The following VDAC1 variants were observed in gnomAD, a reference collection of about 807,000 sequenced individuals.
VDAC1 encodes non-selective voltage-gated ion channel VDAC1.
Under a neutral mutation model 34.7 loss-of-function variants are expected in VDAC1, and 10 were observed. The observed-to-expected ratio is 0.29, with a 90% CI of 0.18 to 0.49. The LOEUF (loss-of-function observed/expected upper bound fraction) is 0.49. Among genes scored for constraint, VDAC1 ranks in the 20% least tolerant of loss-of-function variants. The probability of loss-of-function intolerance (pLI) is 0.99; values close to 1 mark genes in which losing one functional copy is unlikely to be tolerated. For missense variants in VDAC1, 230 were observed against 347.9 expected (o/e 0.66, Z 2.69); for synonymous variants, 130 against 136.0 (o/e 0.96, Z 0.30).
chr5:133,974,557 T>C (rs10068191), intron 7 of VDAC1, among the ~76,000 whole-genome samples: 88,255 of 152,090 alleles, frequency 0.58, 25,783 homozygotes, highest in Admixed American at 0.62. Flanking sequence ...GGAAGAGGCT[T>C]AACAGTAAGC....
chr5:134,027,453 T>C, the VDAC1 span, among the ~76,000 whole-genome samples: 11 of 152,226 alleles, frequency 7.2e-5, no homozygotes, highest in African/African-American at 2.2e-4. Context: ...CTGCCTTCCT[T>C]CCAGCAGCTC....
the VDAC1 span, among the ~76,000 whole-genome samples, chr5:134,029,575 G>C: frequency 6.6e-6 from 1 of 152,308 alleles, no homozygotes; most frequent in African/African-American, 2.4e-5. Context: ...GGCAAACGTG[G>C]CTATTGAGCA....
At chr5:133,991,435 C>T (rs1296334460) in intron 3 of VDAC1, among the ~76,000 whole-genome samples, 2 of 152,220 alleles carry the variant, frequency 1.3e-5, no homozygotes, top group Non-Finnish European at 2.9e-5. Context: ...CATCCTGGCT[C>T]CAGGGCAGTA....
At chr5:134,091,350 G>A in the VDAC1 span, among the ~76,000 whole-genome samples, 1 of 152,122 alleles carries the variant, frequency 6.6e-6, no homozygotes, top group Non-Finnish European at 1.5e-5. Flanking sequence ...AACATTCCAG[G>A]TTTTCCCCCT....
At chr5:134,041,655 G>A in the VDAC1 span, among the ~76,000 whole-genome samples, 288 of 152,300 alleles carry the variant, frequency 1.9e-3, no homozygotes, top group African/African-American at 6.6e-3. Flanking sequence ...TCAGAGAAAC[G>A]CAGGCCTTGC....
At chr5:134,037,896 T>C in the VDAC1 span, among the ~76,000 whole-genome samples, 2 of 152,234 alleles carry the variant, frequency 1.3e-5, no homozygotes, top group Admixed American at 1.3e-4. Flanking sequence ...TAGATCATTG[T>C]ACTACAGTTA....
At chr5:134,107,068 C>G in the VDAC1 span, among the ~76,000 whole-genome samples, 4 of 152,342 alleles carry the variant, frequency 2.6e-5, no homozygotes, top group South Asian at 8.3e-4. Flanking sequence ...CTTACAGAGA[C>G]CACCCCTGCT....
At chr5:134,037,815 A>G in the VDAC1 span, among the ~76,000 whole-genome samples, 1 of 152,170 alleles carries the variant, frequency 6.6e-6, no homozygotes, top group South Asian at 2.1e-4. Context: ...CTCACTGCAA[A>G]AAAAGCCCCC....
the VDAC1 span, among the ~76,000 whole-genome samples, chr5:134,111,800 G>A: frequency 6.6e-6 from 1 of 152,214 alleles, no homozygotes; most frequent in East Asian, 1.9e-4. Context: ...GAGTGTGATA[G>A]TTAGGATGTG....
chr5:133,987,048 A>C (rs1379025151), intron 5 of VDAC1, among the ~76,000 whole-genome samples: 1 of 152,262 alleles, frequency 6.6e-6, no homozygotes, highest in Non-Finnish European at 1.5e-5. Context: ...CAAGTGAAGG[A>C]AGGATGGCAA....
the VDAC1 span, among the ~76,000 whole-genome samples, chr5:134,054,256 T>C: frequency 6.6e-6 from 1 of 152,136 alleles, no homozygotes; most frequent in Non-Finnish European, 1.5e-5. Flanking sequence ...GCATGGTGGC[T>C]AGGGCGGGGC....
At chr5:134,052,281 G>T in the VDAC1 span, among the ~76,000 whole-genome samples, 1 of 152,002 alleles carries the variant, frequency 6.6e-6, no homozygotes, top group East Asian at 1.9e-4. Flanking sequence ...CAAAACGCAG[G>T]TTTAACTGTC....
chr5:133,990,712 T>C, intron 5 of VDAC1, 143 bp downstream of exon 5: 1 of 939,458 alleles, frequency 1.1e-6, no homozygotes, highest in Admixed American at 2.9e-5. Context: ...TGGGACCAAA[T>C]CAAAACCAGA....
chr5:133,997,566 C>T (rs906787988), intron 1 of VDAC1, among the ~76,000 whole-genome samples: 5 of 150,606 alleles, frequency 3.3e-5, no homozygotes, highest in African/African-American at 1.2e-4. Context: ...AAAAAAAAAT[C>T]ACCCAGGTGT....
intron 1 of VDAC1, 56 bp from the exon 2 acceptor site, chr5:133,993,074 C>A: frequency 6.6e-7 from 1 of 1,513,110 alleles, no homozygotes; most frequent in Non-Finnish European, 9.0e-7. Flanking sequence ...AATTAGCTTT[C>A]CATCAATAAC....
chr5:134,034,529 C>G, the VDAC1 span, among the ~76,000 whole-genome samples: 10 of 152,316 alleles, frequency 6.6e-5, no homozygotes, highest in African/African-American at 2.2e-4. Context: ...TGCCACGCGC[C>G]GGACGCTAGG....
At chr5:134,074,453 C>A in the VDAC1 span, among the ~76,000 whole-genome samples, 24 of 152,148 alleles carry the variant, frequency 1.6e-4, no homozygotes, top group African/African-American at 5.1e-4. Context: ...AGACACAGAG[C>A]CTGGGTGGGA....
At chr5:134,097,792 A>C in the VDAC1 span, among the ~76,000 whole-genome samples, 7 of 152,196 alleles carry the variant, frequency 4.6e-5, no homozygotes, top group African/African-American at 1.7e-4. Flanking sequence ...CTGCAGCTCA[A>C]GGTTCTGAAG....
At chr5:134,044,430 G>A in the VDAC1 span, among the ~76,000 whole-genome samples, 2 of 152,196 alleles carry the variant, frequency 1.3e-5, no homozygotes, top group Admixed American at 1.3e-4. Context: ...CTGCTGGGAG[G>A]CTCCCCAGAC....
Sources: gnomAD v4.1 joint callset for allele counts (sites outside exome capture counted in the v4.1 genomes callset) on GRCh38, gnomAD v4.1.1 for gene constraint, MANE v1.5 for transcripts, NCBI Gene and HGNC (gene_info 2026-07-23, HGNC 2026-07-21) for gene names.